ADAMTSL1: variants seen among roughly 807,000 people sequenced by gnomAD.
ADAMTSL1 encodes the protein ADAMTS like 1, also known as ADAMTS-like protein 1.
In ADAMTSL1, 126 loss-of-function variants were observed where a neutral mutation model predicts 201.8. That is an observed-to-expected ratio of 0.62 (90% CI 0.54 to 0.72). The LOEUF (loss-of-function observed/expected upper bound fraction) is 0.72, where lower values mean the gene tolerates loss of function less well. Among genes scored for constraint, ADAMTSL1 ranks in the 30% least tolerant of loss-of-function variants. The pLI is 0.00. For missense variants in ADAMTSL1, 2,679 were observed against 2,277.8 expected, an observed-to-expected ratio of 1.18 and a Z score of -3.59; for synonymous variants, 1,121 against 903.4, an observed-to-expected ratio of 1.24 and a Z score of -4.32.
intron 2 of ADAMTSL1, among the ~76,000 whole-genome samples, chr9:18,519,857 T>A (rs927853972): frequency 3.3e-5 from 5 of 152,250 alleles, no homozygotes; most frequent in Admixed American, 6.5e-5. Context: ...AAGCTGGGCA[T>A]GACCTTTATG....
chr9:18,250,698 A>G (rs1831430991), intron 2 of ADAMTSL1, among the ~76,000 whole-genome samples: 2 of 152,076 alleles, frequency 1.3e-5, no homozygotes, highest in Non-Finnish European at 1.5e-5. Context: ...AAGTGTTCTC[A>G]TGCCTTGCTC....
At chr9:18,603,380 GCTATGCTA>G (rs1824792102) in intron 4 of ADAMTSL1, among the ~76,000 whole-genome samples, 1 of 151,642 alleles carries the variant, frequency 6.6e-6, no homozygotes, top group Non-Finnish European at 1.5e-5. Context: ...GCTATGCTAT[GCTATGCTA>G]TGCTATGCTA....
At chr9:18,858,551 C>G (rs1827011652) in intron 23 of ADAMTSL1, among the ~76,000 whole-genome samples, 2 of 152,178 alleles carry the variant, frequency 1.3e-5, no homozygotes, top group African/African-American at 4.8e-5. Context: ...GAACAGAAAC[C>G]CTATTGTTTC....
intron 2 of ADAMTSL1, among the ~76,000 whole-genome samples, chr9:18,354,993 C>CA (rs1439275415): frequency 2.0e-5 from 3 of 152,024 alleles, no homozygotes; most frequent in Non-Finnish European, 4.4e-5. Flanking sequence ...AACAAACAAA[C>CA]AAACAAACAG....
chr9:18,025,711 C>T (rs1190239741), intron 1 of ADAMTSL1, among the ~76,000 whole-genome samples: 1 of 151,964 alleles, frequency 6.6e-6, no homozygotes, highest in Non-Finnish European at 1.5e-5. Context: ...GTTCTTTTTG[C>T]TTAGGATTGG....
At chr9:18,247,331 A>C (rs1343876787) in intron 2 of ADAMTSL1, among the ~76,000 whole-genome samples, 1 of 152,194 alleles carries the variant, frequency 6.6e-6, no homozygotes, top group Non-Finnish European at 1.5e-5. Context: ...TATCATAATA[A>C]CTTATATTTT....
At chr9:18,139,830 C>G (rs1049777035) in intron 1 of ADAMTSL1, among the ~76,000 whole-genome samples, 1 of 152,066 alleles carries the variant, frequency 6.6e-6, no homozygotes, top group Non-Finnish European at 1.5e-5. Context: ...TCTTGTGGTT[C>G]ATCCCCTAAA....
intron 26 of ADAMTSL1, among the ~76,000 whole-genome samples, chr9:18,902,721 C>T (rs1047737632): frequency 5.9e-5 from 9 of 152,008 alleles, no homozygotes; most frequent in South Asian, 2.1e-4. Context: ...CTAAACCTAA[C>T]GCTAGCAGAA....
At position 18,908,760 on chromosome 9, in the gene ADAMTSL1, G is replaced by C. The variant is rs1256144588; in HGVS notation, c.*212G>C. ...GCTGGAGGACAGGATGTTGGGAAAG[G>C]AAAGGACAGATGTCTAAAGGAGGTT... On this transcript the variant is annotated 3_prime_UTR_variant, in exon 29 of 29. Coordinates refer to ENST00000380548, the MANE Select transcript of ADAMTSL1 (RefSeq NM_001040272.6). 5.8e-6 allele frequency: 3 copies of C among 513,572 alleles called. No individual in the cohort carries two copies. Among genetic ancestry groups the C allele is most frequent in the Admixed American group, 3.3e-5 (1 of 30,152 alleles). The allele number at this position is 513,572 out of a possible 1,614,324, so 31.8% of individuals were successfully genotyped here. A position where few individuals can be genotyped will look rare whatever the true frequency, so the allele number is the denominator to read the frequency against.
At chr9:18,313,093 A>G (rs1191545586) in intron 2 of ADAMTSL1, among the ~76,000 whole-genome samples, 1 of 152,192 alleles carries the variant, frequency 6.6e-6, no homozygotes, top group Non-Finnish European at 1.5e-5. Flanking sequence ...TTGGAATGAC[A>G]TGTGACTATT....
chr9:18,179,979 A>G (rs1299491076), intron 2 of ADAMTSL1, among the ~76,000 whole-genome samples: 2 of 152,138 alleles, frequency 1.3e-5, no homozygotes, highest in Non-Finnish European at 2.9e-5. Context: ...AACAAGCAAA[A>G]TAACCAGCTA....
At chr9:17,930,193 T>C (rs1354544624) in intron 1 of ADAMTSL1, among the ~76,000 whole-genome samples, 1 of 146,288 alleles carries the variant, frequency 6.8e-6, no homozygotes, top group African/African-American at 2.5e-5. Flanking sequence ...TGGGGGTAGG[T>C]GCTCTTCAAG....
At chr9:18,825,282 G>A (rs1044703639) in intron 21 of ADAMTSL1, among the ~76,000 whole-genome samples, 3 of 152,132 alleles carry the variant, frequency 2.0e-5, no homozygotes, top group African/African-American at 4.8e-5. Flanking sequence ...GGGGTCCCTA[G>A]AGCACAGAGC....
chr9:18,571,337 A>T (rs1822284484), intron 3 of ADAMTSL1, among the ~76,000 whole-genome samples: 1 of 152,182 alleles, frequency 6.6e-6, no homozygotes, highest in Non-Finnish European at 1.5e-5. Context: ...CTTGTATAGA[A>T]AAAGGAGGCA....
chr9:18,785,620 T>A (rs1056509319), intron 19 of ADAMTSL1, among the ~76,000 whole-genome samples: 1 of 152,192 alleles, frequency 6.6e-6, no homozygotes, highest in African/African-American at 2.4e-5. Flanking sequence ...ATATAAACAC[T>A]GAGCACACAT....
rs185406116 is a variant in ADAMTSL1 at position 18,638,125 on chromosome 9, G to A, written c.677-1129G>A. On this transcript the variant is annotated intron_variant, in intron 6 of 28. Coordinates refer to ENST00000380548, the MANE Select transcript of ADAMTSL1 (RefSeq NM_001040272.6). ...GGATCCCCTCTGTTCTGGGGCAAGG[G>A]AGTGAAGCCTGGCCTACTCCAGAAG... Among the ~76,000 whole-genome samples the A allele has an allele frequency of 6.3e-4, 96 of 152,134 alleles. 1 individual carries two copies. The highest frequency in any genetic ancestry group is 2.2e-3 in the African/African-American group (92 of 41,504).
chr9:18,006,230 A>G (rs1401572962), intron 1 of ADAMTSL1, among the ~76,000 whole-genome samples: 1 of 152,074 alleles, frequency 6.6e-6, no homozygotes, highest in Non-Finnish European at 1.5e-5. Flanking sequence ...ATTTTACACT[A>G]GAGGTTAATA....
Position 18,716,981 on chromosome 9 carries a change from C to T in ADAMTSL1, c.1877-4555C>T, listed in dbSNP as rs548977942. ...GAAATCATCATTCTCAGTAAACTAT[C>T]GCAAGAACAAAAAACCAAACCGCAT... is the stretch of plus-strand genomic sequence containing the variant. On this transcript the variant is annotated intron_variant, in intron 14 of 28. Coordinates refer to ENST00000380548, the MANE Select transcript of ADAMTSL1 (RefSeq NM_001040272.6). Among the ~76,000 whole-genome samples the T allele has an allele frequency of 4.4e-4, 59 of 132,796 alleles. 2 individuals are homozygous for T. The highest frequency in any genetic ancestry group is 7.8e-4 in the Non-Finnish European group (46 of 58,946). The allele number at this position is 132,796 out of a possible 152,430, so 87.1% of individuals were successfully genotyped here. A position where few individuals can be genotyped will look rare whatever the true frequency, so the allele number is the denominator to read the frequency against.
intron 6 of ADAMTSL1, among the ~76,000 whole-genome samples, chr9:18,638,202 A>G (rs1827218575): frequency 6.6e-6 from 1 of 152,054 alleles, no homozygotes; most frequent in Admixed American, 6.6e-5. Flanking sequence ...ATTGAACACC[A>G]AGGTTTTCCA....
Sources: allele counts gnomAD v4.1 joint callset (sites outside exome capture counted in the v4.1 genomes callset), GRCh38; gene constraint gnomAD v4.1.1; transcripts MANE v1.5; gene names NCBI Gene and HGNC (gene_info 2026-07-23, HGNC 2026-07-21).